SMARCA4: variants seen among roughly 807,000 people sequenced by gnomAD.
SMARCA4 encodes SWI/SNF-related matrix-associated actin-dependent regulator of chromatin subfamily A member 4.
In SMARCA4, 31 loss-of-function variants were observed where a neutral mutation model predicts 193.9. The ratio of observed to expected loss-of-function variants is 0.16; its 90% confidence interval spans 0.12 to 0.22. The LOEUF (loss-of-function observed/expected upper bound fraction) is 0.22, where lower values mean the gene tolerates loss of function less well. SMARCA4 is among the 10% of genes least tolerant of loss of function. SMARCA4 has a pLI of 1.00. For synonymous variants in SMARCA4, 942 were observed against 933.1 expected, an observed-to-expected ratio of 1.01 and a Z score of -0.17; for missense variants, 1,148 against 2,296.0, an observed-to-expected ratio of 0.50 and a Z score of 10.22.
rs1044592236 is a variant in SMARCA4 at position 10,973,491 on chromosome 19, A to G, written c.-31-10630A>G. ...TCTTGGCTCACTGCAAGCTCCGCCT[A>G]CCAGGTTTACACCATTCTCCTGCCT... On this transcript the variant is annotated intron_variant, in intron 1 of 34. Coordinates refer to ENST00000344626, the MANE Select transcript of SMARCA4 (RefSeq NM_003072.5). Among the ~76,000 whole-genome samples the G allele has an allele frequency of 3.4e-5, 5 of 147,480 alleles. No individual in the cohort carries two copies. The South Asian group carries it at 1.1e-3, about 32-fold the overall frequency.
intron 16 of SMARCA4, among the ~76,000 whole-genome samples, chr19:11,013,841 T>A (rs1382053136): frequency 1.3e-5 from 2 of 152,120 alleles, no homozygotes; most frequent in African/African-American, 4.8e-5. Flanking sequence ...CATGGTGGGA[T>A]CCGGACACCC....
chr19:10,988,933 C>T (rs78775018), intron 6 of SMARCA4, among the ~76,000 whole-genome samples: 3,812 of 152,274 alleles, frequency 0.025, 79 homozygotes, highest in Non-Finnish European at 0.041. Context: ...AGGGTCACTC[C>T]GAGGGGTTGC....
chr19:11,033,224 A>G lies in SMARCA4; in HGVS notation c.3547-66A>G, dbSNP rs564788977. ...ACAGCACACCTCTCCAGCTAGTGTC[A>G]GAGGCCACCTTCCCTTTTATGACCT... On this transcript the variant is annotated intron_variant, in intron 25 of 34. Coordinates refer to ENST00000344626, the MANE Select transcript of SMARCA4 (RefSeq NM_003072.5). The surrounding 1 kb of genome is among the most constrained non-coding windows in gnomAD (Gnocchi z 9.8). 162 of 1,253,132 alleles carry G rather than the reference A, an allele frequency of 1.3e-4. 2 individuals are homozygous for G. In the South Asian group the frequency reaches 1.8e-3, roughly 14 times the overall value. 77.6% of individuals were successfully genotyped at this position (1,253,132 alleles called of 1,614,324 possible).
rs2146279685 is a variant in SMARCA4, at chr19:11,013,045, G to A, written c.2371G>A (p.Ala791Thr). 1 of 1,614,100 alleles carries A rather than the reference G, an allele frequency of 6.2e-7. No individual in the cohort carries two copies. The highest frequency in any genetic ancestry group is 1.7e-5 in the Admixed American group (1 of 60,014). Reference sequence around the variant, plus strand: ...CCTGGGGAAGACCATCCAGACCATCGCGCTCATCACGTACCTCATGGAGCA... The same window carrying A: ...CCTGGGGAAGACCATCCAGACCATCACGCTCATCACGTACCTCATGGAGCA... ...MGLGKTIQTI[A>T]LITYLMEHKR... is the part of the protein sequence containing the mutation. The change falls in exon 16 of 35, where the codon GCG becomes ACG. Residue 791 changes from alanine (A) to threonine (T), a missense_variant. By Grantham distance (58) the Ala-to-Thr change is moderately conservative (BLOSUM62 0). This residue lies in a region of SMARCA4 where 54 missense variants were observed against 123.3 expected (regional missense o/e 0.44). Transcript: ENST00000344626.
Position 10,986,897 on chromosome 19 carries a change from A to G in SMARCA4, c.761-8A>G, listed in dbSNP as rs1176344302. On this transcript the variant is annotated splice_region_variant and splice_polypyrimidine_tract_variant and intron_variant, in intron 4 of 34. Coordinates refer to ENST00000344626, the MANE Select transcript of SMARCA4 (RefSeq NM_003072.5). This position sits in a 1 kb window ranked among gnomAD's most constrained non-coding sequence, Gnocchi z 6.7. ...ACTGTTTTCTCTTTTGTTTCTCCCT[A>G]CATGTAGGTATGGGAGGGCCCAACA... 1 of 1,602,564 alleles carries G rather than the reference A, an allele frequency of 6.2e-7. No individual in the cohort carries two copies. Among genetic ancestry groups the G allele is most frequent in the Non-Finnish European group, 8.5e-7 (1 of 1,170,162 alleles).
intron 1 of SMARCA4, among the ~76,000 whole-genome samples, chr19:10,971,128 A>G (rs1402283343): frequency 6.6e-6 from 1 of 152,142 alleles, no homozygotes; most frequent in Non-Finnish European, 1.5e-5. Context: ...CCCAGGAGGC[A>G]GAGGTTGCAG....
chr19:11,022,661 G>A (rs2089963520), intron 19 of SMARCA4, among the ~76,000 whole-genome samples: 1 of 152,106 alleles, frequency 6.6e-6, no homozygotes, highest in African/African-American at 2.4e-5. Context: ...AGCACGGCTG[G>A]GCCCACCCCC....
rs563702211 is a variant in SMARCA4 at position 10,978,775 on chromosome 19, C to CAA, written c.-31-5341_-31-5340dup. On this transcript the variant is annotated intron_variant, in intron 1 of 34. Transcript: ENST00000344626. The stretch of plus-strand genomic sequence containing the variant: ...CGAAACCCCGTCTCTACTAAAAATA[C>CAA]AAAAAATATATATATATATATATTT... Among the ~76,000 whole-genome samples the CAA allele has an allele frequency of 8.2e-4, 123 of 149,344 alleles. 2 individuals carry two copies. Among genetic ancestry groups the CAA allele is most frequent in the African/African-American group, 2.9e-3 (118 of 40,704 alleles).
At chr19:11,040,557 A>T (rs553024593) in intron 29 of SMARCA4, 1 of 148,238 alleles carries the variant, frequency 6.7e-6, no homozygotes, top group African/African-American at 2.5e-5. Flanking sequence ...ATGCCACTGC[A>T]CTCCAGCCTG....
chr19:11,007,712 A>G (rs935460447), intron 13 of SMARCA4, among the ~76,000 whole-genome samples, 190 bp from the exon 14 acceptor site: 3 of 152,020 alleles, frequency 2.0e-5, no homozygotes, highest in Middle Eastern at 3.4e-3. Context: ...CCCATATATT[A>G]AAAAAAATAA....
intron 30 of SMARCA4, among the ~76,000 whole-genome samples, chr19:11,043,264 G>A (rs1255351745): frequency 1.3e-5 from 2 of 152,152 alleles, no homozygotes; most frequent in Admixed American, 6.6e-5. Flanking sequence ...ACTCCAGCCT[G>A]GGGGACAGAG....
chr19:10,989,520 T>G, intron 7 of SMARCA4, 77 bp downstream of exon 7: 1 of 1,559,516 alleles, frequency 6.4e-7, no homozygotes. Context: ...CAAATACGGC[T>G]TGCCTGGCTA....
intron 6 of SMARCA4, 96 bp from the exon 7 acceptor site, chr19:10,989,221 C>T (rs2145842410): frequency 2.0e-6 from 3 of 1,476,296 alleles, no homozygotes; most frequent in South Asian, 1.1e-5. Flanking sequence ...TGACTAGTGC[C>T]TGCCTCTCTC....
chr19:11,048,554 G>C, intron 30 of SMARCA4, among the ~76,000 whole-genome samples: 1 of 152,162 alleles, frequency 6.6e-6, no homozygotes, highest in East Asian at 1.9e-4. Flanking sequence ...CTCTGGATTC[G>C]GTGTCAGGAG....
At chr19:10,975,256 A>G (rs116010434) in intron 1 of SMARCA4, among the ~76,000 whole-genome samples, 1 of 148,650 alleles carries the variant, frequency 6.7e-6, no homozygotes, top group African/African-American at 2.5e-5. Context: ...GCCTCAGGTG[A>G]TCTGCCTTCC....
At chr19:11,021,658 G>A (rs1185745084) in intron 18 of SMARCA4, 67 bp from the exon 19 acceptor site, 3 of 1,549,548 alleles carry the variant, frequency 1.9e-6, no homozygotes, top group Non-Finnish European at 2.6e-6. Flanking sequence ...CGCAGAGTGG[G>A]AGATTCTCCC....
intron 16 of SMARCA4, among the ~76,000 whole-genome samples, chr19:11,017,699 C>T (rs781567241): frequency 6.6e-6 from 1 of 152,238 alleles, no homozygotes; most frequent in Non-Finnish European, 1.5e-5. Context: ...CGCTGACTGT[C>T]CCCATCACTC....
intron 12 of SMARCA4, 54 bp downstream of exon 12, chr19:11,003,213 C>T (rs2087826363): frequency 1.5e-5 from 24 of 1,612,912 alleles, no homozygotes; most frequent in Non-Finnish European, 2.0e-5. Context: ...CTCGGTGGGC[C>T]TTGTTCCAGG....
rs547084869 is a variant in SMARCA4, at chr19:11,006,930, C to G, written c.2002-972C>G. On this transcript the variant is annotated intron_variant, in intron 13 of 34. Coordinates refer to ENST00000344626, the MANE Select transcript of SMARCA4 (RefSeq NM_003072.5). Reference sequence around the variant, plus strand: ...TGAGTCCCTGTCTCTACCAAAAATGCAAAACAATTAGCCAAGTGTCATAGT... The same window carrying G: ...TGAGTCCCTGTCTCTACCAAAAATGGAAAACAATTAGCCAAGTGTCATAGT... Among the ~76,000 whole-genome samples the G allele has an allele frequency of 1.0e-3, 157 of 151,680 alleles. 2 individuals are homozygous for G. In the South Asian group the frequency reaches 0.023, roughly 22 times the overall value.
Sources: gnomAD v4.1 joint callset for allele counts (sites outside exome capture counted in the v4.1 genomes callset) on GRCh38, gnomAD v4.1.1 for gene constraint, gnomAD v4.1.1 regional missense constraint, Gnocchi (gnomAD v3.1) non-coding constraint, MANE v1.5 for transcripts, NCBI Gene and HGNC (gene_info 2026-07-23, HGNC 2026-07-21) for gene names.